Variants in NHEJ1 observed in about 807,000 individuals in gnomAD.
NHEJ1 encodes non-homologous end joining factor 1.
NHEJ1 carries 22 observed loss-of-function variants against 39.4 expected under a neutral mutation model. That is an observed-to-expected ratio of 0.56 (90% confidence interval 0.40 to 0.80). The LOEUF is 0.80. Among genes scored for constraint, NHEJ1 ranks in the 30% least tolerant of loss-of-function variants. The pLI, the probability that NHEJ1 is intolerant of heterozygous loss-of-function variation, is 0.00. For missense variants in NHEJ1, 329 were observed against 357.1 expected, an observed-to-expected ratio of 0.92 and a Z score of 0.63; for synonymous variants, 154 against 135.6, an observed-to-expected ratio of 1.14 and a Z score of -0.94.
chr2:219,118,831 G>A lies in NHEJ1; in HGVS notation c.588+27849C>T, dbSNP rs546825981. Among the ~76,000 whole-genome samples the A allele has an allele frequency of 3.2e-4, 48 of 152,322 alleles. No individual in the cohort carries two copies. The South Asian group carries it at 4.4e-3, about 14-fold the overall frequency. ...TGAAGGGAGTGGGGAAATTAGGGGC[G>A]TCAGAGACAATGCTGGAAGAGAGCT... is the stretch of plus-strand genomic sequence containing the variant. On this transcript the variant is annotated intron_variant, in intron 5 of 7. Coordinates refer to ENST00000356853, the MANE Select transcript of NHEJ1 (RefSeq NM_024782.3).
At chr2:219,093,141 T>C (rs78199213) in intron 5 of NHEJ1, among the ~76,000 whole-genome samples, 2,633 of 152,282 alleles carry the variant, frequency 0.017, 88 homozygotes, top group African/African-American at 0.06. Context: ...CTCTAGATTC[T>C]GTAAAGCCCA....
chr2:219,148,277 G>A (rs1949761741), intron 3 of NHEJ1, among the ~76,000 whole-genome samples: 1 of 152,136 alleles, frequency 6.6e-6, no homozygotes, highest in Non-Finnish European at 1.5e-5. Flanking sequence ...GATCCCACCA[G>A]CTGAGATGGC....
At chr2:219,129,689 G>A (rs1239321810) in intron 5 of NHEJ1, among the ~76,000 whole-genome samples, 1 of 152,260 alleles carries the variant, frequency 6.6e-6, no homozygotes, top group Non-Finnish European at 1.5e-5. Flanking sequence ...AAGCGAAGCA[G>A]TAATTATGGT....
chr2:219,106,266 G>A (rs1016197520), intron 5 of NHEJ1, among the ~76,000 whole-genome samples: 1 of 152,160 alleles, frequency 6.6e-6, no homozygotes, highest in Non-Finnish European at 1.5e-5. Context: ...GTAGAGATAA[G>A]TTTGAAGAAG....
At chr2:219,160,645 C>T (rs1345229471) in intron 1 of NHEJ1, 75 bp downstream of exon 1, 1 of 152,282 alleles carries the variant, frequency 6.6e-6, no homozygotes, top group Non-Finnish European at 1.5e-5. Flanking sequence ...AGGCCAGCGC[C>T]AGGGCCAACC....
At chr2:219,114,454 G>T (rs1413554638) in intron 5 of NHEJ1, among the ~76,000 whole-genome samples, 1 of 152,184 alleles carries the variant, frequency 6.6e-6, no homozygotes, top group Non-Finnish European at 1.5e-5. Flanking sequence ...CAAGCAAAAT[G>T]TCATTCTCAG....
At chr2:219,106,830 T>A (rs1419852739) in intron 5 of NHEJ1, among the ~76,000 whole-genome samples, 1 of 152,210 alleles carries the variant, frequency 6.6e-6, no homozygotes, top group Non-Finnish European at 1.5e-5. Context: ...TGAACTGGAA[T>A]CCCACAGTTT....
chr2:219,076,516 AG>A, intron 7 of NHEJ1, 61 bp from the exon 8 acceptor site: 2 of 1,476,952 alleles, frequency 1.4e-6, no homozygotes, highest in Non-Finnish European at 1.9e-6. Context: ...AAATTAGGAA[AG>A]GAACTTTCTT....
rs748339013 is a variant in NHEJ1, at chr2:219,071,350, G to A, written c.*5031C>T. On this transcript the variant is annotated 3_prime_UTR_variant, in exon 8 of 8. Coordinates refer to ENST00000356853, the MANE Select transcript of NHEJ1 (RefSeq NM_024782.3). The stretch of plus-strand genomic sequence containing the variant: ...TAGGAGGACTCTGGCCCGGGAGAGG[G>A]GGGTAGGGGTTAGGCAAACAGGCCA... Among the ~76,000 whole-genome samples, 5 of 152,184 alleles carry A rather than the reference G, an allele frequency of 3.3e-5. No individual in the cohort carries two copies. Among genetic ancestry groups the A allele is most frequent in the African/African-American group, 1.2e-4 (5 of 41,434 alleles).
chr2:219,146,766 A>C (rs1263767960), intron 4 of NHEJ1, 28 bp from the exon 5 acceptor site: 14 of 1,539,442 alleles, frequency 9.1e-6, no homozygotes, highest in Non-Finnish European at 1.2e-5. Flanking sequence ...AGAAAAAAGA[A>C]ATATGAGTCA....
At chr2:219,109,757 G>C (rs989802010) in intron 5 of NHEJ1, among the ~76,000 whole-genome samples, 4 of 152,176 alleles carry the variant, frequency 2.6e-5, no homozygotes, top group African/African-American at 7.2e-5. Context: ...CTAGCCCTCA[G>C]GACTGCCTGC....
At chr2:219,104,067 G>T (rs1341185114) in intron 5 of NHEJ1, among the ~76,000 whole-genome samples, 11 of 148,884 alleles carry the variant, frequency 7.4e-5, no homozygotes, top group Non-Finnish European at 1.3e-4. Context: ...GTTTTTTTTT[G>T]TTTGTTTGTT....
At chr2:219,118,584 G>A (rs932355856) in intron 5 of NHEJ1, among the ~76,000 whole-genome samples, 7 of 152,150 alleles carry the variant, frequency 4.6e-5, no homozygotes, top group Non-Finnish European at 8.8e-5. Flanking sequence ...GGTGAAACAC[G>A]CCTCTGTGAT....
In NHEJ1 at chr2:219,118,299, GC is replaced by G. The variant is rs1454577957; in HGVS notation, c.588+28380del. Among the ~76,000 whole-genome samples, 3 of 152,282 alleles carry G rather than the reference GC, an allele frequency of 2.0e-5. No individual in the cohort carries two copies. The East Asian group carries it at 5.8e-4, about 29-fold the overall frequency. ...TTTCATTCTTTTCACGAAATGTTGG[GC>G]TGCCCTACTACAACAGACCCTAAGC... is the stretch of plus-strand genomic sequence containing the variant. On this transcript the variant is annotated intron_variant, in intron 5 of 7. Coordinates refer to ENST00000356853, the MANE Select transcript of NHEJ1 (RefSeq NM_024782.3).
intron 1 of NHEJ1, 124 bp from the exon 2 acceptor site, chr2:219,158,486 T>C: frequency 1.2e-6 from 1 of 860,726 alleles, no homozygotes; most frequent in South Asian, 1.4e-5. Context: ...ATAGAAGGCA[T>C]GGATTTACGT....
At chr2:219,131,725 C>T (rs971716290) in intron 5 of NHEJ1, among the ~76,000 whole-genome samples, 2 of 152,068 alleles carry the variant, frequency 1.3e-5, no homozygotes, top group Non-Finnish European at 2.9e-5. Flanking sequence ...TCTTTAATTG[C>T]TTGTAAGAGT....
At chr2:219,151,104 G>C (rs1949791092) in intron 3 of NHEJ1, among the ~76,000 whole-genome samples, 3 of 146,716 alleles carry the variant, frequency 2.0e-5, no homozygotes, top group African/African-American at 7.6e-5. Context: ...CTCCAGACTA[G>C]GTGACAGAGT....
chr2:219,106,351 T>C (rs1348430775), intron 5 of NHEJ1, among the ~76,000 whole-genome samples: 1 of 152,146 alleles, frequency 6.6e-6, no homozygotes, highest in Non-Finnish European at 1.5e-5. Context: ...GGGCTCAAGT[T>C]AGACAGATGG....
intron 5 of NHEJ1, among the ~76,000 whole-genome samples, chr2:219,091,613 G>A (rs758092608): frequency 2.2e-4 from 34 of 152,204 alleles, no homozygotes; most frequent in Admixed American, 8.5e-4. Flanking sequence ...GTCTGACTTC[G>A]TCCTAAAGGC....
Sources: gnomAD v4.1 joint callset for allele counts (sites outside exome capture counted in the v4.1 genomes callset) on GRCh38, gnomAD v4.1.1 for gene constraint, MANE v1.5 for transcripts, NCBI Gene and HGNC (gene_info 2026-07-23, HGNC 2026-07-21) for gene names.